The following SUCLA2 variants were observed in gnomAD, a reference collection of about 807,000 sequenced individuals.
The protein encoded by SUCLA2 is succinate--CoA ligase [ADP-forming] subunit beta, mitochondrial.
In SUCLA2, 30 loss-of-function variants were observed where a neutral mutation model predicts 54.8. The observed-to-expected ratio is 0.55, with a 90% CI of 0.41 to 0.74. The LOEUF is 0.74. Among genes scored for constraint, SUCLA2 ranks in the 30% least tolerant of loss-of-function variants. The pLI, the probability that SUCLA2 is intolerant of heterozygous loss-of-function variation, is 0.00. For synonymous variants in SUCLA2, 172 were observed against 188.9 expected (o/e 0.91, Z 0.74); for missense variants, 476 against 562.9 (o/e 0.85, Z 1.56).
intron 4 of SUCLA2, among the ~76,000 whole-genome samples, chr13:47,985,402 G>T (rs534200809): frequency 1.4e-5 from 1 of 70,782 alleles, no homozygotes; most frequent in Non-Finnish European, 2.8e-5. Flanking sequence ...CCCCCACCCC[G>T]ACAGGCCCCA....
intron 4 of SUCLA2, among the ~76,000 whole-genome samples, chr13:47,982,848 C>G (rs1424824168): frequency 2.6e-5 from 4 of 152,130 alleles, no homozygotes; most frequent in African/African-American, 9.7e-5. Context: ...TGGGAACCCT[C>G]CCAGACCTTG....
At chr13:47,975,459 CT>C (rs1950004346) in intron 4 of SUCLA2, among the ~76,000 whole-genome samples, 1 of 152,076 alleles carries the variant, frequency 6.6e-6, no homozygotes, top group Non-Finnish European at 1.5e-5. Flanking sequence ...CCTAATTCCA[CT>C]TTTCTATCCT....
At chr13:47,947,830 C>G (rs986282201) in intron 10 of SUCLA2, among the ~76,000 whole-genome samples, 1 of 152,100 alleles carries the variant, frequency 6.6e-6, no homozygotes, top group African/African-American at 2.4e-5. Flanking sequence ...CTATGAGAAA[C>G]TTAACAAGAC....
intron 5 of SUCLA2, chr13:47,972,061 G>C: frequency 2.6e-6 from 1 of 382,084 alleles, no homozygotes; most frequent in Non-Finnish European, 4.6e-6. Flanking sequence ...GACCAGCATG[G>C]CCAACATAGC....
In SUCLA2 at chr13:47,949,463, A is replaced by C. The variant is rs1299156401; in HGVS notation, c.1228+20T>G. ...CTTTTAAAGAATTAGGAACAACTGCAAGATACCTTTTATACTCACCTTGTA... is the reference window on the plus strand; with the variant it reads ...CTTTTAAAGAATTAGGAACAACTGCCAGATACCTTTTATACTCACCTTGTA... On this transcript the variant is annotated intron_variant, in intron 9 of 10. Transcript: ENST00000646932. The C allele has an allele frequency of 1.2e-6, 2 of 1,613,122 alleles. No individual in the cohort carries two copies. Among genetic ancestry groups the C allele is most frequent in the Admixed American group, 3.3e-5 (2 of 59,962 alleles).
intron 6 of SUCLA2, among the ~76,000 whole-genome samples, chr13:47,962,122 T>C (rs1279850479): frequency 6.6e-6 from 1 of 152,170 alleles, no homozygotes; most frequent in South Asian, 2.1e-4. Flanking sequence ...GAAATATTGA[T>C]GATTCTTTTG....
intron 4 of SUCLA2, among the ~76,000 whole-genome samples, chr13:47,979,560 A>C (rs1220657752): frequency 6.6e-6 from 1 of 152,194 alleles, no homozygotes; most frequent in Admixed American, 6.5e-5. Context: ...TGGGTGCAGC[A>C]AACCACCATG....
chr13:47,983,647 G>A (rs1448316859), intron 4 of SUCLA2, among the ~76,000 whole-genome samples: 5 of 152,142 alleles, frequency 3.3e-5, no homozygotes, highest in South Asian at 4.2e-4. Context: ...CTGCCGCCAC[G>A]CCTGGCTAAT....
chr13:47,945,821 T>A (rs977086112), intron 10 of SUCLA2: 5 of 152,362 alleles, frequency 3.3e-5, no homozygotes, highest in Admixed American at 1.3e-4. Context: ...TTCTGAGAAG[T>A]GTGATGAAAT....
chr13:47,989,450 A>C (rs972792766), intron 2 of SUCLA2, among the ~76,000 whole-genome samples: 1 of 152,114 alleles, frequency 6.6e-6, no homozygotes, highest in East Asian at 1.9e-4. Flanking sequence ...TGACCTCATG[A>C]TCTGCCCACC....
At chr13:47,974,470 C>T (rs1949992823) in intron 4 of SUCLA2, among the ~76,000 whole-genome samples, 1 of 152,042 alleles carries the variant, frequency 6.6e-6, no homozygotes, top group Admixed American at 6.6e-5. Context: ...CCCTTTAGTC[C>T]CAGCTACACA....
intron 6 of SUCLA2, among the ~76,000 whole-genome samples, chr13:47,957,594 G>T (rs759253124): frequency 2.0e-5 from 3 of 152,054 alleles, no homozygotes; most frequent in Non-Finnish European, 4.4e-5. Context: ...GTCCCTTATG[G>T]GCCTAGACAT....
chr13:47,959,860 A>C (rs1443784356), intron 6 of SUCLA2, among the ~76,000 whole-genome samples: 1 of 152,212 alleles, frequency 6.6e-6, no homozygotes, highest in Non-Finnish European at 1.5e-5. Context: ...TTAATAGTTA[A>C]GCATGAAGCC....
At position 47,996,896 on chromosome 13, in the gene SUCLA2, T is replaced by C. The variant is rs1230310287; in HGVS notation, c.218A>G (p.Lys73Arg). 3.7e-6 allele frequency: 6 copies of C among 1,613,982 alleles called. No individual in the cohort carries two copies. The highest frequency in any genetic ancestry group is 1.7e-5 in the Admixed American group (1 of 60,022). ...LLQEAGVSVP[K>R]GYVAKSPDEA... ...ATCTGGTGACTTTGCCACATATCCT[T>C]TGGGAACGGAGACACCAGCTTCTTG... Residue 73 changes from lysine to arginine, a missense_variant, in exon 2 of 11, where the codon AAA (lysine) becomes AGA (arginine). Coordinates refer to ENST00000646932, the MANE Select transcript of SUCLA2 (RefSeq NM_003850.3).
chr13:47,947,122 G>A (rs894798873), intron 10 of SUCLA2, among the ~76,000 whole-genome samples: 1 of 152,116 alleles, frequency 6.6e-6, no homozygotes, highest in Non-Finnish European at 1.5e-5. Flanking sequence ...GGATGCAACA[G>A]TTAACCTGAA....
intron 2 of SUCLA2, among the ~76,000 whole-genome samples, chr13:47,996,502 G>A (rs1186036960): frequency 1.3e-5 from 2 of 151,768 alleles, no homozygotes; most frequent in East Asian, 1.9e-4. Flanking sequence ...CCATTTCCCT[G>A]AAGAATCATC....
At position 47,954,287 on chromosome 13, in the gene SUCLA2, A is replaced by G. The variant is rs754351128; in HGVS notation, c.965-5T>C. Reference sequence around the variant, plus strand: ...TAGCCAAACCAGCACCATTTACTATATAGGGGAAAATGATTTGTATAAGCA... The same window carrying G: ...TAGCCAAACCAGCACCATTTACTATGTAGGGGAAAATGATTTGTATAAGCA... On this transcript the variant is annotated splice_region_variant and splice_polypyrimidine_tract_variant and intron_variant, in intron 7 of 10. Coordinates refer to ENST00000646932, the MANE Select transcript of SUCLA2 (RefSeq NM_003850.3). The G allele has an allele frequency of 8.7e-6, 14 of 1,613,776 alleles. No individual in the cohort carries two copies. Among genetic ancestry groups the G allele is most frequent in the Non-Finnish European group, 1.1e-5 (13 of 1,179,842 alleles).
chr13:47,944,777 G>A (rs1454261967), intron 10 of SUCLA2, among the ~76,000 whole-genome samples: 2 of 152,150 alleles, frequency 1.3e-5, no homozygotes, highest in African/African-American at 4.8e-5. Flanking sequence ...TCCCAAAGAA[G>A]GACATAAGAC....
At chr13:47,970,514 T>C (rs1463437125) in intron 5 of SUCLA2, among the ~76,000 whole-genome samples, 2 of 152,228 alleles carry the variant, frequency 1.3e-5, no homozygotes, top group Non-Finnish European at 2.9e-5. Flanking sequence ...AAAATCAATT[T>C]GCTTTATTCT....
Sources: allele counts gnomAD v4.1 joint callset (sites outside exome capture counted in the v4.1 genomes callset), GRCh38; gene constraint gnomAD v4.1.1; transcripts MANE v1.5; gene names NCBI Gene and HGNC (gene_info 2026-07-23, HGNC 2026-07-21).